The following RALGAPA2 variants were observed in gnomAD, a reference collection of about 807,000 sequenced individuals.
RALGAPA2 encodes the protein Ral GTPase activating protein catalytic subunit alpha 2.
A neutral mutation model predicts 230.4 loss-of-function variants in RALGAPA2; 139 were observed. That is an observed-to-expected ratio of 0.60 (90% CI 0.53 to 0.69). RALGAPA2 has a LOEUF of 0.69. Ranked by LOEUF, RALGAPA2 falls within the 30% of genes least tolerant of loss-of-function variation. The pLI is 0.00. For synonymous variants in RALGAPA2, 847 were observed against 837.8 expected (o/e 1.01, Z -0.19); for missense variants, 2,163 against 2,276.0 (o/e 0.95, Z 1.01).
intron 23 of RALGAPA2, among the ~76,000 whole-genome samples, chr20:20,559,532 G>A (rs2064191006): frequency 6.6e-6 from 1 of 152,126 alleles, no homozygotes; most frequent in South Asian, 2.1e-4. Flanking sequence ...ATCTCACCAT[G>A]GCAGAAAGCA....
At chr20:20,603,076 T>C (rs1487868954) in intron 15 of RALGAPA2, among the ~76,000 whole-genome samples, 1 of 152,176 alleles carries the variant, frequency 6.6e-6, no homozygotes, top group Non-Finnish European at 1.5e-5. Context: ...GAGGACTAGA[T>C]GGACGCCAAG....
At chr20:20,671,017 A>G (rs1456583268) in intron 3 of RALGAPA2, among the ~76,000 whole-genome samples, 1 of 152,126 alleles carries the variant, frequency 6.6e-6, no homozygotes, top group Non-Finnish European at 1.5e-5. Flanking sequence ...AGTGGTGTAC[A>G]TATCTGAAGC....
At chr20:20,535,907 G>T in intron 25 of RALGAPA2, 104 bp from the exon 26 acceptor site, 4 of 1,437,804 alleles carry the variant, frequency 2.8e-6, no homozygotes, top group Non-Finnish European at 3.7e-6. Context: ...AGTTCGACCA[G>T]GGAGCTCAGA....
intron 13 of RALGAPA2, among the ~76,000 whole-genome samples, chr20:20,615,460 C>T (rs1350807560): frequency 6.6e-6 from 1 of 151,966 alleles, no homozygotes; most frequent in African/African-American, 2.4e-5. Flanking sequence ...CCGCACCTGG[C>T]TGATAACTTT....
chr20:20,432,097 C>G (rs562037756), intron 37 of RALGAPA2, among the ~76,000 whole-genome samples: 2 of 152,316 alleles, frequency 1.3e-5, no homozygotes, highest in Admixed American at 1.3e-4. Context: ...ACAGTAAGGA[C>G]TGTGAAATAG....
chr20:20,548,125 C>CCACACACA (rs58279852), intron 23 of RALGAPA2, among the ~76,000 whole-genome samples: 3 of 148,102 alleles, frequency 2.0e-5, no homozygotes, highest in African/African-American at 4.9e-5. Context: ...AGCAAAATCT[C>CCACACACA]CACACACACA....
intron 29 of RALGAPA2, 24 bp from the exon 30 acceptor site, chr20:20,524,567 G>C: frequency 6.2e-7 from 1 of 1,613,612 alleles, no homozygotes. Context: ...ATGCCCGGTA[G>C]CTTATGCTGC....
intron 23 of RALGAPA2, among the ~76,000 whole-genome samples, chr20:20,569,408 AT>A (rs1387091376): frequency 6.6e-6 from 1 of 152,196 alleles, no homozygotes; most frequent in Non-Finnish European, 1.5e-5. Flanking sequence ...TAATAGGCTG[AT>A]TTTAAATAGA....
chr20:20,517,036 T>C (rs144863672), intron 31 of RALGAPA2, among the ~76,000 whole-genome samples: 1 of 152,280 alleles, frequency 6.6e-6, no homozygotes, highest in Non-Finnish European at 1.5e-5. Flanking sequence ...AAGGGGTCCT[T>C]GTTCTCCACC....
At chr20:20,428,675 T>A (rs1252786151) in intron 37 of RALGAPA2, among the ~76,000 whole-genome samples, 1 of 151,750 alleles carries the variant, frequency 6.6e-6, no homozygotes, top group Non-Finnish European at 1.5e-5. Context: ...AGGTTCATCT[T>A]CTCTCAATCC....
At chr20:20,394,359 G>A (rs1192832667) in intron 39 of RALGAPA2, among the ~76,000 whole-genome samples, 1 of 152,168 alleles carries the variant, frequency 6.6e-6, no homozygotes, top group Non-Finnish European at 1.5e-5. Context: ...CGGGCATACA[G>A]AGAAGGCTCA....
chr20:20,712,603 T>TCCCGCCGCC lies in RALGAPA2; in HGVS notation c.-124_-123insGGCGGCGGG. The TCCCGCCGCC allele has an allele frequency of 2.5e-6, 3 of 1,179,370 alleles. No homozygotes were observed. In the Admixed American group the frequency reaches 1.4e-4, roughly 54 times the overall value. The allele number at this position is 1,179,370 out of a possible 1,614,324, so 73.1% of individuals were successfully genotyped here. On this transcript the variant is annotated 5_prime_UTR_variant, in exon 1 of 40. Transcript: ENST00000202677. This position sits in a 1 kb window ranked among gnomAD's most constrained non-coding sequence, Gnocchi z 5.5. ...CACTCGCCGCCCCCAGCCCCGCTGC[T>TCCCGCCGCC]GCCGCCGCCGCCGCCGCCGCCGCCG... is the stretch of plus-strand genomic sequence containing the variant.
intron 19 of RALGAPA2, 41 bp from the exon 20 acceptor site, chr20:20,583,267 C>A: frequency 1.3e-6 from 2 of 1,545,314 alleles, no homozygotes; most frequent in Non-Finnish European, 8.8e-7. Flanking sequence ...TAAAAAATAG[C>A]TGAAAATCAG....
At chr20:20,657,792 A>G (rs372481718) in intron 3 of RALGAPA2, among the ~76,000 whole-genome samples, 80 of 152,256 alleles carry the variant, frequency 5.3e-4, no homozygotes, top group African/African-American at 1.8e-3. Flanking sequence ...CCACTTAAAC[A>G]TTTCATATAG....
intron 37 of RALGAPA2, among the ~76,000 whole-genome samples, chr20:20,426,350 C>T (rs1318261591): frequency 6.6e-6 from 1 of 152,140 alleles, no homozygotes; most frequent in Non-Finnish European, 1.5e-5. Context: ...TCATAACAGG[C>T]TCAATTGTAC....
intron 10 of RALGAPA2, among the ~76,000 whole-genome samples, chr20:20,625,232 G>C (rs1194027959): frequency 6.6e-6 from 1 of 152,158 alleles, no homozygotes; most frequent in Non-Finnish European, 1.5e-5. Flanking sequence ...CTTTCTGTCT[G>C]TTTATAATCC....
At chr20:20,621,221 A>C in intron 10 of RALGAPA2, among the ~76,000 whole-genome samples, 1 of 152,186 alleles carries the variant, frequency 6.6e-6, no homozygotes, top group Non-Finnish European at 1.5e-5. Context: ...AAATCAAATC[A>C]TATCTATAGA....
At chr20:20,540,719 A>C (rs1428411006) in intron 24 of RALGAPA2, among the ~76,000 whole-genome samples, 3 of 152,128 alleles carry the variant, frequency 2.0e-5, no homozygotes, top group African/African-American at 7.2e-5. Flanking sequence ...ACCATCTTTG[A>C]TTTGAGTAGT....
chr20:20,396,556 G>C (rs2059722083), intron 39 of RALGAPA2, 139 bp downstream of exon 39: 2 of 730,384 alleles, frequency 2.7e-6, no homozygotes, highest in Non-Finnish European at 4.3e-6. Context: ...AGTGTGGGCA[G>C]GGCCCCCGGG....
Sources: allele counts gnomAD v4.1 joint callset (sites outside exome capture counted in the v4.1 genomes callset), GRCh38; gene constraint gnomAD v4.1.1; non-coding constraint Gnocchi (gnomAD v3.1); transcripts MANE v1.5; gene names NCBI Gene and HGNC (gene_info 2026-07-23, HGNC 2026-07-21).